Variants in MAGED1 observed in about 807,000 individuals in gnomAD.
MAGED1 encodes the protein MAGE family member D1, also known as melanoma-associated antigen D1.
MAGED1 carries 3 observed loss-of-function variants against 54.1 expected under a neutral mutation model. The ratio of observed to expected loss-of-function variants is 0.06; its 90% confidence interval spans 0.03 to 0.14. The LOEUF is 0.14. Among genes scored for constraint, MAGED1 ranks in the 10% least tolerant of loss-of-function variants. The pLI is 1.00. For missense variants in MAGED1, 485 were observed against 623.4 expected (o/e 0.78, Z 2.36); for synonymous variants, 217 against 227.3 (o/e 0.95, Z 0.41).
At chrX:51,806,267 C>G (rs782426492) in intron 1 of MAGED1, among the ~76,000 whole-genome samples, 4 of 111,085 alleles carry the variant, frequency 3.6e-5, no homozygotes, top group Non-Finnish European at 5.7e-5. Context: ...CCACCGCGCC[C>G]GGCCAGCTCA....
At position 51,879,811 on chromosome X, in the gene MAGED1, GT is replaced by G. The variant is rs782213310; in HGVS notation, c.-36-14450del. On this transcript the variant is annotated intron_variant, in intron 1 of 12. Transcript: ENST00000375772. ...AGTGATTGATTTTTAGTTTGTCCAG[GT>G]TTTTTTTCTGGTTGTTGGTGCCTCC... 1.1e-4 allele frequency among the ~76,000 whole-genome samples: 12 copies of G among 111,401 alleles called. No individual in the cohort carries two copies. In the East Asian group the frequency reaches 2.8e-3, roughly 26 times the overall value.
chrX:51,819,789 A>G (rs959875126), intron 1 of MAGED1, among the ~76,000 whole-genome samples: 1 of 111,352 alleles, frequency 9.0e-6, no homozygotes, highest in Non-Finnish European at 1.9e-5. Flanking sequence ...TTGAGTACAA[A>G]AGTTTTTCAT....
chrX:51,835,785 A>G (rs1402403781), intron 1 of MAGED1, among the ~76,000 whole-genome samples: 1 of 111,617 alleles, frequency 9.0e-6, no homozygotes, highest in Non-Finnish European at 1.9e-5. Context: ...TCTGAGCTTC[A>G]TCTCCTTACC....
rs782743012 is a variant in MAGED1, at chrX:51,895,649, C to T, written c.642C>T (p.Thr214=). Residue 214 remains threonine, a synonymous_variant, in exon 3 of 13, where the codon ACC becomes ACT. Transcript: ENST00000326587. ...CCACTTCCCAGGCTGACATAGAGAC[C>T]GACCCAGGTATCTCTGAACCTGACG... ...KMATSQADIE[T]DPGISEPDGA... 3.3e-6 allele frequency: 4 copies of T among 1,209,356 alleles called. No homozygotes were observed. The highest frequency in any genetic ancestry group is 1.7e-5 in the African/African-American group (1 of 57,781).
At chrX:51,849,265 C>T (rs1169297901) in intron 1 of MAGED1, among the ~76,000 whole-genome samples, 2 of 111,360 alleles carry the variant, frequency 1.8e-5, no homozygotes, top group African/African-American at 6.5e-5. Context: ...GCTTTCTATT[C>T]TGTTCCATTG....
chrX:51,874,871 G>C (rs1344438915), intron 1 of MAGED1, among the ~76,000 whole-genome samples: 2 of 108,642 alleles, frequency 1.8e-5, no homozygotes, highest in Non-Finnish European at 3.8e-5. Context: ...TTTACCTTTC[G>C]GTAAAATTTT....
intron 1 of MAGED1, among the ~76,000 whole-genome samples, chrX:51,828,147 C>T (rs1394819592): frequency 9.0e-6 from 1 of 111,441 alleles, no homozygotes; most frequent in East Asian, 2.8e-4. Flanking sequence ...ACTTGTTTTT[C>T]TTAACTTTTT....
chrX:51,894,810 C>A, intron 2 of MAGED1: 2 of 1,140,543 alleles, frequency 1.8e-6, no homozygotes, highest in Non-Finnish European at 2.3e-6. Flanking sequence ...TGCCCACTTT[C>A]CGCATACCGC....
At chrX:51,881,130 C>T (rs782056875) in intron 1 of MAGED1, among the ~76,000 whole-genome samples, 66 of 111,510 alleles carry the variant, frequency 5.9e-4, no homozygotes, top group African/African-American at 2.0e-3. Flanking sequence ...GCCATCTTCT[C>T]GTTGTGTCCT....
At chrX:51,804,070 T>TAG (rs1557354822) in intron 1 of MAGED1, among the ~76,000 whole-genome samples, 1 of 112,347 alleles carries the variant, frequency 8.9e-6, no homozygotes, top group African/African-American at 3.2e-5. Context: ...GACGAAGACT[T>TAG]TTTCTGAGAG....
intron 1 of MAGED1, 55 bp from the exon 2 acceptor site, chrX:51,894,214 A>G (rs1403656514): frequency 8.7e-6 from 6 of 689,975 alleles, no homozygotes; most frequent in South Asian, 7.2e-5. Context: ...CCCCCTCCCA[A>G]TTAGGTCCTT....
chrX:51,902,065 G>C lies in MAGED1; in HGVS notation c.*9-81G>C. 7.7e-6 allele frequency: 5 copies of C among 651,844 alleles called. No individual in the cohort carries two copies. The East Asian group carries it at 1.4e-4, about 19-fold the overall frequency. The allele number at this position is 651,844 out of a possible 1,213,427, so 53.7% of individuals were successfully genotyped here. A position where few individuals can be genotyped will look rare whatever the true frequency, so the allele number is the denominator to read the frequency against. ...TGTAGGGAGATGAGGAAAGTATGGG[G>C]CAGCACTCTTTGGTATGTATATTCC... On this transcript the variant is annotated intron_variant, in intron 12 of 12. Coordinates refer to ENST00000326587, the MANE Select transcript of MAGED1 (RefSeq NM_006986.4).
chrX:51,876,990 TA>T (rs1295801062), intron 1 of MAGED1, among the ~76,000 whole-genome samples: 1 of 111,576 alleles, frequency 9.0e-6, no homozygotes, highest in Non-Finnish European at 1.9e-5. Context: ...AAAGTATAGA[TA>T]TTTTTTAGGC....
chrX:51,836,928 T>G (rs1926276583), intron 1 of MAGED1, among the ~76,000 whole-genome samples: 1 of 111,554 alleles, frequency 9.0e-6, no homozygotes, highest in African/African-American at 3.3e-5. Context: ...GGAGTTCTTT[T>G]TCTGCACTGT....
chrX:51,811,494 G>A (rs1048636264), intron 1 of MAGED1, among the ~76,000 whole-genome samples: 7 of 111,868 alleles, frequency 6.3e-5, no homozygotes, highest in African/African-American at 1.6e-4. Flanking sequence ...GACCGTGAGT[G>A]TGGGAGAATC....
rs1557364241 is a variant in MAGED1 at position 51,896,455 on chromosome X, G to A, written c.800G>A (p.Arg267Gln). The A allele has an allele frequency of 5.0e-6, 6 of 1,210,289 alleles. No homozygotes were observed. The Admixed American group carries it at 6.5e-5, about 13-fold the overall frequency. Residue 267 changes from arginine to glutamine, a missense_variant, in exon 4 of 13, where the codon CGG becomes CAG. Coordinates refer to ENST00000326587, the MANE Select transcript of MAGED1 (RefSeq NM_006986.4). ...GAGAACAGCAGTGGGGATCAGAGGC[G>A]GGCCCCACTGGCTGCAGGGACCTGG... ...VEENSSGDQR[R>Q]APLAAGTWRS... is the part of the protein sequence containing the mutation.
At chrX:51,831,248 T>A (rs1926055937) in intron 1 of MAGED1, among the ~76,000 whole-genome samples, 1 of 112,685 alleles carries the variant, frequency 8.9e-6, no homozygotes, top group African/African-American at 3.2e-5. Flanking sequence ...CTAACAAAGT[T>A]ACACTGAGAT....
At chrX:51,803,533 TC>T (rs1191614346) in intron 1 of MAGED1, among the ~76,000 whole-genome samples, 57 of 106,388 alleles carry the variant, frequency 5.4e-4, no homozygotes, top group African/African-American at 1.9e-3. Context: ...TCTGTTTTAC[TC>T]CCCCTGCTGG....
At chrX:51,821,879 T>C (rs1925650447) in intron 1 of MAGED1, among the ~76,000 whole-genome samples, 1 of 112,233 alleles carries the variant, frequency 8.9e-6, no homozygotes, top group East Asian at 2.8e-4. Context: ...GTTAGTATAG[T>C]GTATTACACT....
Sources: allele counts gnomAD v4.1 joint callset (sites outside exome capture counted in the v4.1 genomes callset), GRCh38; gene constraint gnomAD v4.1.1; transcripts MANE v1.5; gene names NCBI Gene and HGNC (gene_info 2026-07-23, HGNC 2026-07-21).